Variants in ARHGAP32 observed in about 807,000 individuals in gnomAD.
ARHGAP32 encodes Rho GTPase activating protein 32.
In ARHGAP32, 51 loss-of-function variants were observed where a neutral mutation model predicts 186.5. That is an observed-to-expected ratio of 0.27 (90% CI 0.22 to 0.35). The LOEUF is 0.35. Ranked by LOEUF, ARHGAP32 falls within the 10% of genes least tolerant of loss-of-function variation. The pLI is 1.00. For synonymous variants in ARHGAP32, 950 were observed against 964.3 expected (o/e 0.99, Z 0.27); for missense variants, 2,186 against 2,623.5 (o/e 0.83, Z 3.64).
In ARHGAP32 at chr11:128,969,912, C is replaced by T. The variant is rs552653553; in HGVS notation, c.5301G>A (p.Gln1767=). The change falls in exon 23 of 23, where the codon CAG becomes CAA. Residue 1767 remains glutamine, a synonymous_variant. Coordinates refer to ENST00000682385, the MANE Select transcript of ARHGAP32 (RefSeq NM_001378024.1). The surrounding 1 kb of genome is among the most constrained non-coding windows in gnomAD (Gnocchi z 4.8). The part of the protein sequence containing the change: ...DLEDMEKYRM[Q]SIRRESRARQ... ...GAGCACGGCTCTCTCTCCGGATGGA[C>T]TGCATGCGGTATTTTTCCATGTCCT... The T allele has an allele frequency of 6.2e-7, 1 of 1,614,208 alleles. No individual in the cohort carries two copies. The highest frequency in any genetic ancestry group is 1.1e-5 in the South Asian group (1 of 91,086).
At chr11:129,230,789 T>C (rs552874554) in intron 1 of ARHGAP32, among the ~76,000 whole-genome samples, 3 of 152,162 alleles carry the variant, frequency 2.0e-5, no homozygotes, top group African/African-American at 7.2e-5. Context: ...TTGTAAAATA[T>C]AAAAATCCAT....
Position 128,970,695 on chromosome 11 carries a change from C to T in ARHGAP32, c.4518G>A (p.Leu1506=). 6.2e-7 allele frequency: 1 copy of T among 1,614,110 alleles called. No homozygotes were observed. Among genetic ancestry groups the T allele is most frequent in the Middle Eastern group, 1.6e-4 (1 of 6,062 alleles). ...GGCAGTTTGGAGTCATATTGAAATG[C>T]AAACAGTTATCTGGACCAAAGGGTT... ...TTEPFGPDNC[L]HFNMTPNCQY... The change falls in exon 23 of 23, where the codon TTG becomes TTA. Residue 1506 remains leucine (L), a synonymous_variant. Transcript: ENST00000682385. This position sits in a 1 kb window ranked among gnomAD's most constrained non-coding sequence, Gnocchi z 5.8.
rs902850610 is a variant in ARHGAP32 at position 128,970,736 on chromosome 11, G to C, written c.4477C>G (p.Pro1493Ala). The C allele has an allele frequency of 5.0e-6, 8 of 1,614,062 alleles. No homozygotes were observed. In the African/African-American group the frequency reaches 1.1e-4, roughly 22 times the overall value. ...CCAAAGGGTTCAGTGGTGACATCGG[G>C]CCTAGCAAAGGAGGAGTAAACTGTT... ...QKTVYSSFAR[P>A]DVTTEPFGPD... Residue 1493 changes from proline (P) to alanine (A), a missense_variant, in exon 23 of 23, where the codon CCC (proline) becomes GCC (alanine). By Grantham distance (27) the Pro-to-Ala change is conservative. This residue lies in a region of ARHGAP32 where 1,502 missense variants were observed against 1,570.0 expected (regional missense o/e 0.96). Transcript: ENST00000682385. This position sits in a 1 kb window ranked among gnomAD's most constrained non-coding sequence, Gnocchi z 5.8.
chr11:129,246,937 C>T (rs1945108367), intron 1 of ARHGAP32, among the ~76,000 whole-genome samples: 1 of 152,108 alleles, frequency 6.6e-6, no homozygotes, highest in Non-Finnish European at 1.5e-5. Flanking sequence ...CAGTTTGGAA[C>T]CTGATGGTAG....
intron 5 of ARHGAP32, among the ~76,000 whole-genome samples, chr11:129,118,574 T>C (rs1942436304): frequency 7.9e-5 from 12 of 151,904 alleles, no homozygotes; most frequent in Admixed American, 7.9e-4. Context: ...TCTAAGGAGA[T>C]ACAAAAGAAC....
chr11:129,091,922 A>T lies in ARHGAP32; in HGVS notation c.531+1699T>A, dbSNP rs555671318. 2.6e-5 allele frequency among the ~76,000 whole-genome samples: 4 copies of T among 152,222 alleles called. No individual in the cohort carries two copies. The East Asian group carries it at 7.7e-4, about 29-fold the overall frequency. On this transcript the variant is annotated intron_variant, in intron 6 of 22. Coordinates refer to ENST00000682385, the MANE Select transcript of ARHGAP32 (RefSeq NM_001378024.1). ...TAGGCTAATATGGGTTATGGCTAAC[A>T]CAATATGTCAAGAATACAGGAGTAA...
intron 10 of ARHGAP32, among the ~76,000 whole-genome samples, chr11:129,045,361 A>G (rs1200984471): frequency 6.6e-6 from 1 of 152,174 alleles, no homozygotes; most frequent in Non-Finnish European, 1.5e-5. Context: ...AGCACTAGAA[A>G]TCCATCATCT....
chr11:128,973,641 T>G, intron 21 of ARHGAP32: 1 of 590,054 alleles, frequency 1.7e-6, no homozygotes, highest in Non-Finnish European at 3.0e-6. Flanking sequence ...GTATAAAGAC[T>G]GCAATCTCTT....
intron 11 of ARHGAP32, among the ~76,000 whole-genome samples, chr11:129,024,848 C>A (rs1488797886): frequency 6.6e-6 from 1 of 152,136 alleles, no homozygotes; most frequent in Admixed American, 6.5e-5. Context: ...GACAATCAAT[C>A]TCAATTCGTG....
intron 10 of ARHGAP32, among the ~76,000 whole-genome samples, chr11:129,058,452 C>A (rs971114282): frequency 6.6e-6 from 1 of 151,888 alleles, no homozygotes; most frequent in African/African-American, 2.4e-5. Context: ...AACATGTTTC[C>A]CTATTAACTT....
chr11:129,275,568 A>G (rs1945520237), intron 1 of ARHGAP32, among the ~76,000 whole-genome samples: 1 of 152,248 alleles, frequency 6.6e-6, no homozygotes, highest in Non-Finnish European at 1.5e-5. Flanking sequence ...AGTAAAAAAA[A>G]AAGTTAAGTC....
intron 1 of ARHGAP32, among the ~76,000 whole-genome samples, chr11:129,204,843 A>C (rs1944496600): frequency 6.6e-6 from 1 of 152,156 alleles, no homozygotes; most frequent in East Asian, 1.9e-4. Flanking sequence ...GGGGTATCTT[A>C]TTTTGATTTA....
At chr11:129,203,519 G>A (rs971541846) in intron 1 of ARHGAP32, among the ~76,000 whole-genome samples, 1 of 151,780 alleles carries the variant, frequency 6.6e-6, no homozygotes, top group Non-Finnish European at 1.5e-5. Flanking sequence ...AGTTAATTAA[G>A]GTAAAAGTAT....
At chr11:129,163,361 C>A (rs1591662881) in intron 2 of ARHGAP32, among the ~76,000 whole-genome samples, 1 of 152,074 alleles carries the variant, frequency 6.6e-6, no homozygotes, top group East Asian at 1.9e-4. Flanking sequence ...AGATCTGTTA[C>A]AAAAAGTTTT....
intron 11 of ARHGAP32, among the ~76,000 whole-genome samples, chr11:129,011,567 G>C (rs1938083163): frequency 6.6e-6 from 1 of 152,012 alleles, no homozygotes; most frequent in Non-Finnish European, 1.5e-5. Flanking sequence ...AGGCTCAAGG[G>C]GTATGTAAAG....
At chr11:129,197,587 A>T (rs868131578) in intron 1 of ARHGAP32, among the ~76,000 whole-genome samples, 34 of 152,206 alleles carry the variant, frequency 2.2e-4, no homozygotes, top group African/African-American at 7.5e-4. Context: ...AAATGTGAAT[A>T]ATGTGTGCTC....
chr11:129,022,239 C>T (rs1046578353), intron 11 of ARHGAP32, among the ~76,000 whole-genome samples: 2 of 152,112 alleles, frequency 1.3e-5, no homozygotes, highest in African/African-American at 4.8e-5. Context: ...TAAAAACTCT[C>T]TTTTGAGATA....
chr11:129,258,637 A>G (rs1394663898), intron 1 of ARHGAP32, among the ~76,000 whole-genome samples: 1 of 152,178 alleles, frequency 6.6e-6, no homozygotes, highest in Non-Finnish European at 1.5e-5. Flanking sequence ...TAGGCATTTA[A>G]GACAGATGCA....
intron 19 of ARHGAP32, among the ~76,000 whole-genome samples, chr11:128,977,802 G>A (rs1412142228): frequency 6.6e-6 from 1 of 151,482 alleles, no homozygotes; most frequent in East Asian, 1.9e-4. Flanking sequence ...TCAGCCTCCG[G>A]AGTAGCTAAG....
Sources: allele counts gnomAD v4.1 joint callset (sites outside exome capture counted in the v4.1 genomes callset), GRCh38; gene constraint gnomAD v4.1.1; regional missense constraint gnomAD v4.1.1; non-coding constraint Gnocchi (gnomAD v3.1); transcripts MANE v1.5; gene names NCBI Gene and HGNC (gene_info 2026-07-23, HGNC 2026-07-21).